The following PDE10A variants were observed in gnomAD, a reference collection of about 807,000 sequenced individuals.
PDE10A encodes the protein cAMP and cAMP-inhibited cGMP 3',5'-cyclic phosphodiesterase 10A.
In PDE10A, 39 loss-of-function variants were observed where a neutral mutation model predicts 97.7. The ratio of observed to expected loss-of-function variants is 0.40; its 90% CI spans 0.31 to 0.52. PDE10A has a LOEUF of 0.52. PDE10A is among the 20% of genes least tolerant of loss of function. The pLI is 0.56. For synonymous variants in PDE10A, 371 were observed against 376.8 expected (o/e 0.98, Z 0.18); for missense variants, 731 against 1,047.8 (o/e 0.70, Z 4.17).
intron 3 of PDE10A, among the ~76,000 whole-genome samples, chr6:165,470,695 T>G (rs1449957457): frequency 6.6e-6 from 1 of 152,124 alleles, no homozygotes; most frequent in Non-Finnish European, 1.5e-5. Context: ...AGAAGAGAAA[T>G]GGAAAGTGAG....
intron 5 of PDE10A, among the ~76,000 whole-genome samples, chr6:165,441,257 A>G (rs1405493180): frequency 6.6e-6 from 1 of 152,194 alleles, no homozygotes; most frequent in Non-Finnish European, 1.5e-5. Flanking sequence ...ATGGTCACAG[A>G]GCCTTTGAGC....
chr6:165,424,372 T>C (rs774210800), intron 10 of PDE10A, among the ~76,000 whole-genome samples: 3 of 152,144 alleles, frequency 2.0e-5, no homozygotes, highest in Non-Finnish European at 4.4e-5. Flanking sequence ...ATAACTCCAG[T>C]TACTATGTAT....
rs1583051102 is a variant in PDE10A, at chr6:165,332,981, G to C, written c.*44C>G. ...AAGGAAAAGAATGTCAAAGAAGCAAGATGAGGATCTGTAGGTGGGACAGCG... is the reference window on the plus strand; with the variant it reads ...AAGGAAAAGAATGTCAAAGAAGCAACATGAGGATCTGTAGGTGGGACAGCG... On this transcript the variant is annotated 3_prime_UTR_variant, in exon 22 of 22. Coordinates refer to ENST00000539869, the MANE Select transcript of PDE10A (RefSeq NM_001385079.1). 3 of 900,398 alleles carry C rather than the reference G, an allele frequency of 3.3e-6. No homozygotes were observed. The highest frequency in any genetic ancestry group is 5.2e-5 in the East Asian group (2 of 38,108). The allele number at this position is 900,398 out of a possible 1,614,324, so 55.8% of individuals were successfully genotyped here. A position where few individuals can be genotyped will look rare whatever the true frequency, so the allele number is the denominator to read the frequency against.
intron 1 of PDE10A, among the ~76,000 whole-genome samples, chr6:165,786,252 G>A (rs1169651574): frequency 6.6e-6 from 1 of 152,192 alleles, no homozygotes; most frequent in Non-Finnish European, 1.5e-5. Flanking sequence ...TGTACACTGT[G>A]AGTGTCCCAG....
At chr6:165,615,653 G>T (rs1787694787) in intron 1 of PDE10A, among the ~76,000 whole-genome samples, 1 of 152,130 alleles carries the variant, frequency 6.6e-6, no homozygotes, top group Non-Finnish European at 1.5e-5. Flanking sequence ...TTTCTATAAA[G>T]TAATAATTTA....
chr6:165,411,440 C>G (rs1402786803), intron 13 of PDE10A, among the ~76,000 whole-genome samples: 1 of 152,088 alleles, frequency 6.6e-6, no homozygotes, highest in Non-Finnish European at 1.5e-5. Context: ...ACAGAGACAG[C>G]AGAAACCATG....
At chr6:165,825,632 G>A (rs775336721) in intron 1 of PDE10A, among the ~76,000 whole-genome samples, 5 of 152,196 alleles carry the variant, frequency 3.3e-5, no homozygotes, top group South Asian at 2.1e-4. Flanking sequence ...AAAGTTGGAC[G>A]GAGGCCCTGG....
In PDE10A at chr6:165,717,470, G is replaced by A. The variant is rs1325435589; in HGVS notation, c.-614-173902C>T. Among the ~76,000 whole-genome samples, 5 of 152,132 alleles carry A rather than the reference G, an allele frequency of 3.3e-5. No homozygotes were observed. In the East Asian group the frequency reaches 9.7e-4, roughly 29 times the overall value. ...GTGGTGGCTTGTGCCTGTAATCCAA[G>A]CTACTCGGGAAGCGGAGACAGGAGA... On this transcript the variant is annotated intron_variant, in intron 1 of 19. Transcript: ENST00000366882.
intron 15 of PDE10A, 30 bp from the exon 16 acceptor site, chr6:165,392,826 A>G (rs1274902235): frequency 6.2e-7 from 1 of 1,607,320 alleles, no homozygotes; most frequent in Non-Finnish European, 8.5e-7. Context: ...TTATGACTGA[A>G]ACCAGTAGAG....
In PDE10A at chr6:165,686,893, T is replaced by G. The variant is rs577878238; in HGVS notation, c.-614-143325A>C. 2.0e-5 allele frequency among the ~76,000 whole-genome samples: 3 copies of G among 152,364 alleles called. No individual in the cohort carries two copies. In the East Asian group the frequency reaches 5.8e-4, roughly 29 times the overall value. On this transcript the variant is annotated intron_variant, in intron 1 of 19. Transcript: ENST00000366882. The stretch of plus-strand genomic sequence containing the variant: ...CTGCAGAGCCACCTTCTCCACTAAA[T>G]GCTATTATGTACGCTTCGGTAATGT...
At chr6:165,539,715 T>C (rs1783308742) in intron 2 of PDE10A, among the ~76,000 whole-genome samples, 1 of 151,788 alleles carries the variant, frequency 6.6e-6, no homozygotes, top group South Asian at 2.1e-4. Context: ...GAGGTCAGGA[T>C]TGGGAGACCA....
At chr6:165,790,486 T>C (rs1300678137) in intron 1 of PDE10A, among the ~76,000 whole-genome samples, 1 of 152,176 alleles carries the variant, frequency 6.6e-6, no homozygotes, top group Non-Finnish European at 1.5e-5. Context: ...AATAAGCCAA[T>C]AAGCAGCATC....
chr6:165,671,870 T>C lies in PDE10A; in HGVS notation c.-614-128302A>G, dbSNP rs1790656199. Reference sequence around the variant, plus strand: ...TTTATAGGGGCATCAGTTAAAATGGTCTCCCCATATAAAAGCAAGTTTACA... The same window carrying C: ...TTTATAGGGGCATCAGTTAAAATGGCCTCCCCATATAAAAGCAAGTTTACA... On this transcript the variant is annotated intron_variant, in intron 1 of 19. Transcript: ENST00000366882. The surrounding 1 kb of genome is among the most constrained non-coding windows in gnomAD (Gnocchi z 4.6). Among the ~76,000 whole-genome samples, 1 of 152,158 alleles carries C rather than the reference T, an allele frequency of 6.6e-6. No individual in the cohort carries two copies.
intron 2 of PDE10A, among the ~76,000 whole-genome samples, chr6:165,485,469 A>AAAAAAT (rs1779855897): frequency 7.1e-6 from 1 of 140,510 alleles, no homozygotes. Context: ...CTCTGTCTCA[A>AAAAAAT]AAAAAAAAAA....
chr6:165,660,439 A>G (rs1321487511), intron 1 of PDE10A: 2 of 152,396 alleles, frequency 1.3e-5, no homozygotes, highest in African/African-American at 4.8e-5. Context: ...AAGCGCAAGC[A>G]GCGACTCGCT....
At chr6:165,431,374 AC>A in intron 8 of PDE10A, 47 bp downstream of exon 8, 2 of 1,331,760 alleles carry the variant, frequency 1.5e-6, no homozygotes, top group Non-Finnish European at 2.1e-6. Flanking sequence ...CACTCCAAAA[AC>A]CTCTTCTCCC....
intron 5 of PDE10A, 83 bp from the exon 6 acceptor site, chr6:165,435,460 A>G: frequency 8.5e-7 from 1 of 1,169,938 alleles, no homozygotes; most frequent in South Asian, 2.0e-5. Context: ...TAACAGTCAT[A>G]ATAAATCTGT....
At chr6:165,942,009 A>G (rs982278756) in intron 1 of PDE10A, among the ~76,000 whole-genome samples, 1 of 152,180 alleles carries the variant, frequency 6.6e-6, no homozygotes, top group Admixed American at 6.5e-5. Context: ...GTTCCTATCC[A>G]CATAGCCATC....
At chr6:165,949,479 C>A (rs1449688442) in intron 1 of PDE10A, 1 of 151,164 alleles carries the variant, frequency 6.6e-6, no homozygotes, top group Non-Finnish European at 1.5e-5. Flanking sequence ...ACTGGTGCAA[C>A]ACATCGGATG....
Sources: gnomAD v4.1 joint callset for allele counts (sites outside exome capture counted in the v4.1 genomes callset) on GRCh38, gnomAD v4.1.1 for gene constraint, Gnocchi (gnomAD v3.1) non-coding constraint, MANE v1.5 for transcripts, NCBI Gene and HGNC (gene_info 2026-07-23, HGNC 2026-07-21) for gene names.